Variants in MYO3A observed in about 807,000 individuals in gnomAD.
MYO3A encodes the protein myosin-IIIa.
MYO3A carries 180 observed loss-of-function variants against 192.7 expected under a neutral mutation model. The observed-to-expected ratio is 0.93, with a 90% CI of 0.83 to 1.06. The LOEUF is 1.06. MYO3A is among the 50% of genes least tolerant of loss of function. The pLI, the probability that MYO3A is intolerant of heterozygous loss-of-function variation, is 0.00. For synonymous variants in MYO3A, 628 were observed against 645.3 expected (o/e 0.97, Z 0.41); for missense variants, 1,896 against 1,905.0 (o/e 1.00, Z 0.09).
intron 6 of MYO3A, among the ~76,000 whole-genome samples, chr10:26,010,577 C>T (rs1841585374): frequency 6.6e-6 from 1 of 151,330 alleles, no homozygotes; most frequent in Non-Finnish European, 1.5e-5. Context: ...GATTCTTCTG[C>T]CTCAGCCTCC....
At chr10:25,943,589 A>G (rs1762772820) in intron 2 of MYO3A, among the ~76,000 whole-genome samples, 1 of 152,054 alleles carries the variant, frequency 6.6e-6, no homozygotes, top group Non-Finnish European at 1.5e-5. Flanking sequence ...CAAGTCTTTC[A>G]TCTCCTTGGT....
chr10:25,938,487 C>T (rs947286298), intron 2 of MYO3A, among the ~76,000 whole-genome samples: 2 of 152,160 alleles, frequency 1.3e-5, no homozygotes, highest in African/African-American at 4.8e-5. Context: ...ATCATCCTGG[C>T]TACTCTGTGG....
In MYO3A at chr10:25,997,235, G is replaced by C. The variant is rs371273686; in HGVS notation, c.485G>C (p.Gly162Ala). The C allele has an allele frequency of 6.2e-7, 1 of 1,613,002 alleles. No individual in the cohort carries two copies. The highest frequency in any genetic ancestry group is 8.5e-7 in the Non-Finnish European group (1 of 1,179,270). The change falls in exon 6 of 35, where the codon GGT (glycine) becomes GCT (alanine). Residue 162 changes from glycine to alanine, a missense_variant. By Grantham distance (60) the Gly-to-Ala change is moderately conservative. Coordinates refer to ENST00000642920, the MANE Select transcript of MYO3A (RefSeq NM_017433.5). ...AATAACATTCTATTGACCACGGAAG[G>C]TGGAGTGAAACTAGTAGATTTTGGT... ...KGNNILLTTE[G>A]GVKLVDFGVS...
intron 15 of MYO3A, among the ~76,000 whole-genome samples, chr10:26,093,092 T>C (rs1389212802): frequency 6.6e-6 from 1 of 152,230 alleles, no homozygotes; most frequent in Non-Finnish European, 1.5e-5. Flanking sequence ...TAATGTACAT[T>C]GTTAACAATC....
At chr10:26,077,238 T>TCCTAAGG (rs1564525514) in intron 14 of MYO3A, among the ~76,000 whole-genome samples, 1 of 139,166 alleles carries the variant, frequency 7.2e-6, no homozygotes, top group African/African-American at 2.8e-5. Context: ...CTAAGGTTTT[T>TCCTAAGG]TTTTTTTTTT....
At chr10:26,202,723 T>C (rs997528274) in intron 33 of MYO3A, 1 of 443,450 alleles carries the variant, frequency 2.3e-6, no homozygotes, top group Non-Finnish European at 4.1e-6. Flanking sequence ...TTCAGTGCAA[T>C]AGAACCAGGA....
Position 26,070,308 on chromosome 10 carries a change from C to T in MYO3A, c.1276-10C>T. ...TAAGGTCTTCTCACAGTTTTCTTTT[C>T]TATGTATAGTGCATTGTTATTTCTG... On this transcript the variant is annotated splice_polypyrimidine_tract_variant and intron_variant, in intron 13 of 34. Coordinates refer to ENST00000642920, the MANE Select transcript of MYO3A (RefSeq NM_017433.5). 6.2e-7 allele frequency: 1 copy of T among 1,612,464 alleles called. No homozygotes were observed.
At chr10:26,010,516 C>T (rs12259068) in intron 6 of MYO3A, among the ~76,000 whole-genome samples, 14,181 of 137,802 alleles carry the variant, frequency 0.1, 1,168 homozygotes, top group African/African-American at 0.24. Context: ...CAGGCTGGAG[C>T]GCAGAGGCGC....
chr10:26,153,144 A>G (rs1476535760), intron 23 of MYO3A, among the ~76,000 whole-genome samples: 1 of 152,192 alleles, frequency 6.6e-6, no homozygotes, highest in Admixed American at 6.5e-5. Context: ...AGTGAACTGC[A>G]TTTCAGGGGC....
intron 25 of MYO3A, among the ~76,000 whole-genome samples, chr10:26,156,021 G>A (rs1841087791): frequency 6.6e-6 from 1 of 152,202 alleles, no homozygotes; most frequent in African/African-American, 2.4e-5. Context: ...TGAACACAGT[G>A]TAACACTATG....
chr10:26,014,266 A>T (rs1020433575), intron 6 of MYO3A, among the ~76,000 whole-genome samples: 2 of 152,082 alleles, frequency 1.3e-5, no homozygotes, highest in Non-Finnish European at 2.9e-5. Context: ...GTACATCAAA[A>T]GTTATTGAAA....
intron 6 of MYO3A, among the ~76,000 whole-genome samples, chr10:26,013,063 G>T (rs188635026): frequency 8.8e-4 from 134 of 152,216 alleles, no homozygotes; most frequent in African/African-American, 2.8e-3. Context: ...GGCAAAACTG[G>T]CAAGCCACAT....
At position 26,102,846 on chromosome 10, in the gene MYO3A, T is replaced by C. The variant is rs375056383; in HGVS notation, c.1776+6164T>C. Among the ~76,000 whole-genome samples, 18 of 152,258 alleles carry C rather than the reference T, an allele frequency of 1.2e-4. No homozygotes were observed. In the East Asian group the frequency reaches 1.4e-3, roughly 11 times the overall value. On this transcript the variant is annotated intron_variant, in intron 17 of 34. Transcript: ENST00000642920. ...GTCTCCTGGTTAGGCTACTCAGGGG[T>C]CAGGGACCCACTTGAGGAGGCAGTC...
chr10:26,173,600 G>C (rs2132034360), intron 29 of MYO3A, 63 bp from the exon 30 acceptor site: 1 of 1,457,320 alleles, frequency 6.9e-7, no homozygotes, highest in East Asian at 2.3e-5. Context: ...TATAACTATT[G>C]CCAATAGAAG....
At chr10:25,965,570 C>T (rs949701740) in intron 4 of MYO3A, among the ~76,000 whole-genome samples, 1 of 152,044 alleles carries the variant, frequency 6.6e-6, no homozygotes, top group Non-Finnish European at 1.5e-5. Flanking sequence ...GCGTGATCCC[C>T]GAGTCCACTG....
intron 4 of MYO3A, 24 bp downstream of exon 4, chr10:25,955,032 ATGGGTGGAAACTTAGAGTG>A (rs766241003): frequency 1.5e-5 from 24 of 1,611,174 alleles, no homozygotes; most frequent in African/African-American, 8.0e-5. Flanking sequence ...CATCATTTGT[ATGGGTGGAAACTTAGAGTG>A]TGGTTCTGAA....
intron 6 of MYO3A, among the ~76,000 whole-genome samples, chr10:26,006,925 C>T (rs1325410790): frequency 6.7e-6 from 1 of 150,020 alleles, no homozygotes; most frequent in African/African-American, 2.5e-5. Flanking sequence ...AGAGACACAA[C>T]CAAAAAAGAG....
chr10:26,088,258 C>T lies in MYO3A; in HGVS notation c.1415C>T (p.Ala472Val), dbSNP rs752583448. 5 of 1,613,480 alleles carry T rather than the reference C, an allele frequency of 3.1e-6. No individual in the cohort carries two copies. The Admixed American group carries it at 8.3e-5, about 27-fold the overall frequency. ...TTACAAGTGAACAATTTGGTAGAAG[C>T]CTTTGGCAATGCCTGCACTATTATA... Reference protein sequence around the residue: ...KILQVNNLVEAFGNACTIIND... With the variant: ...KILQVNNLVEVFGNACTIIND... Residue 472 changes from alanine (A) to valine (V), a missense_variant, in exon 15 of 35, where the codon GCC becomes GTC. Ala to Val is a moderately conservative substitution (Grantham distance 64). Transcript: ENST00000642920.
intron 2 of MYO3A, among the ~76,000 whole-genome samples, chr10:25,941,428 A>T (rs1836478768): frequency 6.6e-6 from 1 of 152,212 alleles, no homozygotes; most frequent in Non-Finnish European, 1.5e-5. Context: ...CAAGGAGTGT[A>T]GGAAATACGG....
Sources: gnomAD v4.1 joint callset for allele counts (sites outside exome capture counted in the v4.1 genomes callset) on GRCh38, gnomAD v4.1.1 for gene constraint, MANE v1.5 for transcripts, NCBI Gene and HGNC (gene_info 2026-07-23, HGNC 2026-07-21) for gene names.